The following DLGAP2 variants were observed in gnomAD, a reference collection of about 807,000 sequenced individuals.
The protein encoded by DLGAP2 is disks large-associated protein 2.
DLGAP2 carries 26 observed loss-of-function variants against 100.3 expected under a neutral mutation model. The observed-to-expected ratio is 0.26, with a 90% CI of 0.19 to 0.36. The LOEUF is 0.36. DLGAP2 is among the 10% of genes least tolerant of loss of function. The probability of loss-of-function intolerance (pLI) is 1.00; values close to 1 mark genes in which losing one functional copy is unlikely to be tolerated. For synonymous variants in DLGAP2, 886 were observed against 630.1 expected (o/e 1.41, Z -6.08); for missense variants, 1,858 against 1,453.2 (o/e 1.28, Z -4.53).
intron 2 of DLGAP2, among the ~76,000 whole-genome samples, chr8:973,868 G>GA (rs1306697666): frequency 1.3e-5 from 2 of 149,982 alleles, no homozygotes; most frequent in African/African-American, 4.9e-5. Context: ...TGCGACCACG[G>GA]GCCAGGCCTC....
chr8:1,266,998 G>A (rs901125148), intron 3 of DLGAP2, among the ~76,000 whole-genome samples: 1 of 152,034 alleles, frequency 6.6e-6, no homozygotes, highest in Non-Finnish European at 1.5e-5. Context: ...GGAGGTCTAG[G>A]TGGGCAGATC....
intron 10 of DLGAP2, among the ~76,000 whole-genome samples, chr8:1,670,066 G>A (rs922802184): frequency 2.0e-5 from 3 of 152,148 alleles, no homozygotes; most frequent in Non-Finnish European, 2.9e-5. Context: ...CACGTCTGCA[G>A]TAGAGACTGG....
At chr8:1,287,216 TGTG>T (rs1799943990) in intron 3 of DLGAP2, among the ~76,000 whole-genome samples, 1 of 146,634 alleles carries the variant, frequency 6.8e-6, no homozygotes, top group Admixed American at 6.8e-5. Flanking sequence ...TGTGTGTGTG[TGTG>T]TGTGTGTATG....
chr8:1,204,984 A>C (rs764843872), intron 2 of DLGAP2, among the ~76,000 whole-genome samples: 15 of 152,192 alleles, frequency 9.9e-5, no homozygotes, highest in Non-Finnish European at 2.1e-4. Context: ...TGACAGCTCC[A>C]TTGTAACATC....
chr8:1,655,469 T>G (rs757067169), intron 8 of DLGAP2, among the ~76,000 whole-genome samples: 12 of 152,220 alleles, frequency 7.9e-5, no homozygotes, highest in Non-Finnish European at 1.6e-4. Flanking sequence ...CAAGGGATAT[T>G]TTATCTTGAT....
intron 2 of DLGAP2, among the ~76,000 whole-genome samples, chr8:1,116,601 G>A (rs1805125077): frequency 1.3e-5 from 2 of 152,116 alleles, no homozygotes; most frequent in African/African-American, 4.8e-5. Context: ...TTTGAGACCA[G>A]CCTGGGCAAC....
At chr8:1,662,930 AGT>A (rs980361105) in intron 8 of DLGAP2, among the ~76,000 whole-genome samples, 33 of 125,956 alleles carry the variant, frequency 2.6e-4, no homozygotes, top group African/African-American at 1.0e-3. Flanking sequence ...GTGTACACGT[AGT>A]GTGGGGTGTG....
intron 2 of DLGAP2, among the ~76,000 whole-genome samples, chr8:1,070,195 G>GTCCTCTCTTGCC (rs1450087185): frequency 2.0e-5 from 3 of 152,156 alleles, no homozygotes; most frequent in Non-Finnish European, 1.5e-5. Context: ...GACTCGGCGA[G>GTCCTCTCTTGCC]TCCTTTCTTG....
chr8:1,239,578 C>T lies in DLGAP2; in HGVS notation c.74-19273C>T, dbSNP rs1217502774. 1.1e-3 allele frequency among the ~76,000 whole-genome samples: 122 copies of T among 111,186 alleles called. 2 individuals are homozygous for T. Among genetic ancestry groups the T allele is most frequent in the African/African-American group, 5.1e-3 (118 of 23,064 alleles). The allele number at this position is 111,186 out of a possible 152,430, so 72.9% of individuals were successfully genotyped here. On this transcript the variant is annotated intron_variant, in intron 2 of 14. Coordinates refer to ENST00000637795, the MANE Select transcript of DLGAP2 (RefSeq NM_001346810.2). Reference sequence around the variant, plus strand: ...CCGTGTCTGGTTCTCTCACATGGCGCCGTGTCTAGTTACCTATCACATGGT... The same window carrying T: ...CCGTGTCTGGTTCTCTCACATGGCGTCGTGTCTAGTTACCTATCACATGGT...
At chr8:1,441,797 TTATTTA>T (rs1231153984) in intron 3 of DLGAP2, among the ~76,000 whole-genome samples, 1,833 of 151,426 alleles carry the variant, frequency 0.012, 35 homozygotes, top group African/African-American at 0.041. Context: ...TTTTTTTTTT[TTATTTA>T]ATTTAATTTA....
chr8:1,087,983 A>G (rs1418545417), intron 2 of DLGAP2, among the ~76,000 whole-genome samples: 1 of 152,208 alleles, frequency 6.6e-6, no homozygotes, highest in African/African-American at 2.4e-5. Context: ...CTCCTTATCC[A>G]TCCTGGATAG....
At chr8:870,993 C>A (rs1162466399) in intron 1 of DLGAP2, among the ~76,000 whole-genome samples, 1 of 152,208 alleles carries the variant, frequency 6.6e-6, no homozygotes, top group Non-Finnish European at 1.5e-5. Flanking sequence ...TCAACATTTT[C>A]CTTCCCCTGG....
chr8:931,975 A>G (rs1340115935), intron 2 of DLGAP2, among the ~76,000 whole-genome samples: 1 of 152,196 alleles, frequency 6.6e-6, no homozygotes, highest in African/African-American at 2.4e-5. Context: ...TGTTTGCCTC[A>G]TGTACGTTTT....
At chr8:1,345,729 A>G (rs1801539353) in intron 3 of DLGAP2, among the ~76,000 whole-genome samples, 1 of 152,248 alleles carries the variant, frequency 6.6e-6, no homozygotes, top group African/African-American at 2.4e-5. Flanking sequence ...GGAATCAGAC[A>G]GATGTTGTTT....
intron 3 of DLGAP2, among the ~76,000 whole-genome samples, chr8:1,447,712 G>A (rs561550252): frequency 6.6e-6 from 1 of 152,256 alleles, no homozygotes; most frequent in South Asian, 2.1e-4. Flanking sequence ...AATCCATTTG[G>A]TCCTGGACTT....
intron 1 of DLGAP2, among the ~76,000 whole-genome samples, chr8:761,786 G>C (rs1176121421): frequency 2.0e-5 from 3 of 152,182 alleles, no homozygotes; most frequent in Non-Finnish European, 4.4e-5. Context: ...AGGTCGCGCT[G>C]TCCTCACCCC....
intron 1 of DLGAP2, among the ~76,000 whole-genome samples, chr8:868,877 C>T (rs928620631): frequency 6.6e-6 from 1 of 152,240 alleles, no homozygotes; most frequent in South Asian, 2.1e-4. Flanking sequence ...GTGGGGGCCG[C>T]GCAGGTTCCA....
intron 2 of DLGAP2, among the ~76,000 whole-genome samples, chr8:1,256,036 T>A (rs1444845852): frequency 4.4e-5 from 5 of 113,162 alleles, no homozygotes; most frequent in African/African-American, 1.1e-4. Context: ...CCTGCCCGGG[T>A]GCTGTGTGTG....
chr8:1,698,096 C>G (rs565722099), intron 14 of DLGAP2, among the ~76,000 whole-genome samples: 2 of 152,232 alleles, frequency 1.3e-5, no homozygotes, highest in African/African-American at 4.8e-5. Context: ...GTCATGAGAA[C>G]GAGAGCCAGA....
Sources: gnomAD v4.1 joint callset for allele counts (sites outside exome capture counted in the v4.1 genomes callset) on GRCh38, gnomAD v4.1.1 for gene constraint, MANE v1.5 for transcripts, NCBI Gene and HGNC (gene_info 2026-07-23, HGNC 2026-07-21) for gene names.